RBFOX1: variants seen among roughly 807,000 people sequenced by gnomAD.
RBFOX1 encodes the protein RNA binding fox-1 homolog 1, also known as RNA binding protein fox-1 homolog 1.
A neutral mutation model predicts 57.7 loss-of-function variants in RBFOX1; 8 were observed. That is an observed-to-expected ratio of 0.14 (90% CI 0.08 to 0.25). The LOEUF (loss-of-function observed/expected upper bound fraction) is 0.25. Among genes scored for constraint, RBFOX1 ranks in the 10% least tolerant of loss-of-function variants. RBFOX1 has a pLI of 1.00. For synonymous variants in RBFOX1, 326 were observed against 222.4 expected (o/e 1.47, Z -4.15); for missense variants, 611 against 548.5 (o/e 1.11, Z -1.14).
intron 3 of RBFOX1, among the ~76,000 whole-genome samples, chr16:6,758,224 T>A (rs184213938): frequency 6.6e-6 from 1 of 152,156 alleles, no homozygotes; most frequent in East Asian, 1.9e-4. Flanking sequence ...TGTTGAGATA[T>A]TGGGAAGCTA....
chr16:5,457,832 G>A (rs965747126), intron 1 of RBFOX1, among the ~76,000 whole-genome samples: 2 of 152,202 alleles, frequency 1.3e-5, no homozygotes, highest in South Asian at 2.1e-4. Flanking sequence ...AGCTCTGTGA[G>A]AGTAGGGTTC....
At chr16:6,728,573 A>G (rs566405767) in intron 3 of RBFOX1, among the ~76,000 whole-genome samples, 51 of 152,338 alleles carry the variant, frequency 3.3e-4, no homozygotes, top group African/African-American at 1.2e-3. Context: ...AAAAAGCACA[A>G]TTACTCAATA....
At chr16:7,205,236 G>A (rs2089675752) in intron 4 of RBFOX1, among the ~76,000 whole-genome samples, 1 of 152,060 alleles carries the variant, frequency 6.6e-6, no homozygotes, top group Admixed American at 6.6e-5. Flanking sequence ...TATGGAAATG[G>A]GCGGGGCGTG....
intron 1 of RBFOX1, among the ~76,000 whole-genome samples, chr16:6,045,706 G>C (rs1010459264): frequency 6.6e-6 from 1 of 152,172 alleles, no homozygotes; most frequent in Non-Finnish European, 1.5e-5. Flanking sequence ...GAGCCATACC[G>C]ATGGTGATAT....
intron 1 of RBFOX1, among the ~76,000 whole-genome samples, chr16:5,382,314 T>G (rs1462676510): frequency 1.3e-5 from 2 of 152,242 alleles, no homozygotes; most frequent in African/African-American, 4.8e-5. Context: ...GTTATTCTGC[T>G]CTTTGAAAAC....
At chr16:5,966,320 C>T (rs1309210952) in intron 4 of RBFOX1, among the ~76,000 whole-genome samples, 1 of 152,072 alleles carries the variant, frequency 6.6e-6, no homozygotes, top group East Asian at 1.9e-4. Context: ...GCAGGCTGTT[C>T]GGGAAGGGCA....
intron 3 of RBFOX1, among the ~76,000 whole-genome samples, chr16:6,929,346 A>G (rs546412682): frequency 6.6e-5 from 10 of 152,324 alleles, no homozygotes; most frequent in Non-Finnish European, 1.5e-4. Context: ...TAATGTGAAT[A>G]TAGGCAAGGT....
chr16:7,131,998 CTT>C lies in RBFOX1; in HGVS notation c.27+79916_27+79917del, dbSNP rs34879688. 2.5e-3 allele frequency among the ~76,000 whole-genome samples: 306 copies of C among 123,794 alleles called. 1 individual carries two copies. Among genetic ancestry groups the C allele is most frequent in the East Asian group, 0.01 (44 of 4,208 alleles). 81.2% of individuals were successfully genotyped at this position (123,794 alleles called of 152,430 possible). The stretch of plus-strand genomic sequence containing the variant: ...GATGACTAGAGTCCTTTTTTTCTTT[CTT>C]TTTTTTTTTTTTTTTGAGTGTCATT... On this transcript the variant is annotated intron_variant, in intron 4 of 15. Coordinates refer to ENST00000550418, the MANE Select transcript of RBFOX1 (RefSeq NM_018723.4).
chr16:7,436,661 C>T (rs6500968), intron 4 of RBFOX1, among the ~76,000 whole-genome samples: 7,387 of 152,286 alleles, frequency 0.049, 226 homozygotes, highest in African/African-American at 0.09. Flanking sequence ...ACTCAGGAAC[C>T]TTTGAGGATG....
At chr16:5,577,362 C>CG (rs568278885) in intron 2 of RBFOX1, among the ~76,000 whole-genome samples, 35 of 152,054 alleles carry the variant, frequency 2.3e-4, no homozygotes, top group Middle Eastern at 6.8e-3. Context: ...GACCTGTTGG[C>CG]GGGGGGGTCT....
At chr16:7,212,188 A>C (rs566630940) in intron 4 of RBFOX1, among the ~76,000 whole-genome samples, 2 of 152,300 alleles carry the variant, frequency 1.3e-5, no homozygotes, top group African/African-American at 4.8e-5. Flanking sequence ...AGACTGTTTG[A>C]GTGACATAGG....
chr16:6,803,113 C>G (rs890667025), intron 3 of RBFOX1, among the ~76,000 whole-genome samples: 2 of 152,006 alleles, frequency 1.3e-5, no homozygotes, highest in South Asian at 4.1e-4. Context: ...AGACTCAAAA[C>G]CTCTGAGCTA....
rs566992315 is a variant in RBFOX1, at chr16:5,921,283, C to G, written c.351+53948C>G. 2.0e-4 allele frequency among the ~76,000 whole-genome samples: 30 copies of G among 152,292 alleles called. 1 individual carries two copies. The East Asian group carries it at 5.8e-3, about 29-fold the overall frequency. On this transcript the variant is annotated intron_variant, in intron 4 of 19. Transcript: ENST00000641259. The stretch of plus-strand genomic sequence containing the variant: ...CAGGATCTTTCCCTCTTTCGCCTCC[C>G]TTCTCCAGAGATTGTCTTTCTTTAC...
intron 2 of RBFOX1, among the ~76,000 whole-genome samples, chr16:6,450,476 G>T (rs1257142284): frequency 2.0e-5 from 3 of 151,430 alleles, no homozygotes; most frequent in Non-Finnish European, 4.4e-5. Context: ...TCAACCATAA[G>T]ATTTCCTTCC....
intron 2 of RBFOX1, among the ~76,000 whole-genome samples, chr16:6,400,673 C>T (rs1039990564): frequency 1.3e-5 from 2 of 152,166 alleles, no homozygotes; most frequent in African/African-American, 4.8e-5. Context: ...TACTTGAAAT[C>T]AAGAGTGATT....
intron 2 of RBFOX1, among the ~76,000 whole-genome samples, chr16:6,448,326 A>AT (rs1230310565): frequency 2.6e-5 from 4 of 151,098 alleles, no homozygotes; most frequent in South Asian, 2.1e-4. Flanking sequence ...CACCCAGCTA[A>AT]TTTTTTTATT....
intron 3 of RBFOX1, among the ~76,000 whole-genome samples, chr16:6,767,624 A>C (rs2077526297): frequency 6.6e-6 from 1 of 152,086 alleles, no homozygotes; most frequent in Non-Finnish European, 1.5e-5. Flanking sequence ...TCCCTAAGAA[A>C]TTATGGAGAG....
intron 4 of RBFOX1, among the ~76,000 whole-genome samples, chr16:7,277,384 C>T (rs1053894734): frequency 6.6e-6 from 1 of 152,168 alleles, no homozygotes; most frequent in African/African-American, 2.4e-5. Flanking sequence ...GAATTGCCTA[C>T]CTCCATCTCC....
At chr16:7,661,867 C>T (rs2067842360) in intron 12 of RBFOX1, among the ~76,000 whole-genome samples, 1 of 152,152 alleles carries the variant, frequency 6.6e-6, no homozygotes, top group African/African-American at 2.4e-5. Flanking sequence ...CCATAGCCCA[C>T]AGTGGAGGAC....
Sources: gnomAD v4.1 joint callset for allele counts (sites outside exome capture counted in the v4.1 genomes callset) on GRCh38, gnomAD v4.1.1 for gene constraint, MANE v1.5 for transcripts, NCBI Gene and HGNC (gene_info 2026-07-23, HGNC 2026-07-21) for gene names.